Variants in DISC1 observed in about 807,000 individuals in gnomAD.
DISC1 encodes the protein DISC1 scaffold protein.
DISC1 carries 57 observed loss-of-function variants against 84.5 expected under a neutral mutation model. That is an observed-to-expected ratio of 0.67 (90% CI 0.55 to 0.84). The LOEUF is 0.84. Ranked by LOEUF, DISC1 falls within the 40% of genes least tolerant of loss-of-function variation. The pLI, the probability that DISC1 is intolerant of heterozygous loss-of-function variation, is 0.00. For missense variants in DISC1, 1,000 were observed against 1,057.8 expected (o/e 0.95, Z 0.76); for synonymous variants, 411 against 415.2 (o/e 0.99, Z 0.12).
At chr1:231,758,231 C>T (rs1437241224) in intron 4 of DISC1, among the ~76,000 whole-genome samples, 1 of 152,174 alleles carries the variant, frequency 6.6e-6, no homozygotes, top group East Asian at 1.9e-4. Context: ...TCAACCTGTA[C>T]TCAGGTCCCT....
chr1:231,902,610 A>C (rs12088800), intron 9 of DISC1, among the ~76,000 whole-genome samples: 2,919 of 152,084 alleles, frequency 0.019, 97 homozygotes, highest in African/African-American at 0.066. Flanking sequence ...CAAAAAAAAA[A>C]CAAAACTCAT....
intron 10 of DISC1, among the ~76,000 whole-genome samples, chr1:231,970,981 A>G (rs1286761661): frequency 1.3e-5 from 2 of 152,236 alleles, no homozygotes; most frequent in African/African-American, 4.8e-5. Context: ...TGTGTAGGTT[A>G]TATCCATGGT....
chr1:232,007,031 T>C (rs1558830375), intron 10 of DISC1, among the ~76,000 whole-genome samples: 1 of 152,152 alleles, frequency 6.6e-6, no homozygotes, highest in South Asian at 2.1e-4. Context: ...GTTGGACCTG[T>C]GAGTGCACAG....
rs561137704 is a variant in DISC1, at chr1:231,932,860, C to T, written c.1982-25968C>T. On this transcript the variant is annotated intron_variant, in intron 9 of 12. Transcript: ENST00000439617. Reference sequence around the variant, plus strand: ...CTAAAATTCAAAATTTTTGGTCTGGCAGCCTGTGAAAAAAATCGTATTTTG... The same window carrying T: ...CTAAAATTCAAAATTTTTGGTCTGGTAGCCTGTGAAAAAAATCGTATTTTG... Among the ~76,000 whole-genome samples, 10 of 152,268 alleles carry T rather than the reference C, an allele frequency of 6.6e-5. No individual in the cohort carries two copies. The South Asian group carries it at 2.1e-3, about 32-fold the overall frequency.
intron 9 of DISC1, among the ~76,000 whole-genome samples, chr1:231,911,465 G>A (rs566762482): frequency 4.6e-5 from 7 of 152,264 alleles, no homozygotes; most frequent in African/African-American, 9.6e-5. Flanking sequence ...GAAATTCTGG[G>A]TTGAAAATTC....
intron 1 of DISC1, among the ~76,000 whole-genome samples, chr1:231,677,663 G>C (rs1195737075): frequency 6.6e-6 from 1 of 152,228 alleles, no homozygotes; most frequent in Non-Finnish European, 1.5e-5. Flanking sequence ...GATCACCCAG[G>C]TGGGAACTGA....
chr1:231,979,817 TAC>T (rs1264785754), intron 10 of DISC1, among the ~76,000 whole-genome samples: 1 of 152,014 alleles, frequency 6.6e-6, no homozygotes, highest in African/African-American at 2.4e-5. Context: ...AAGATTTAAC[TAC>T]AGTTTCTTTT....
At chr1:231,812,605 C>T (rs2125712089) in intron 8 of DISC1, among the ~76,000 whole-genome samples, 1 of 152,192 alleles carries the variant, frequency 6.6e-6, no homozygotes, top group South Asian at 2.1e-4. Context: ...ATGAGAATAC[C>T]CAGGTTTCAT....
intron 11 of DISC1, among the ~76,000 whole-genome samples, chr1:232,025,977 C>T (rs1265756367): frequency 6.6e-6 from 1 of 152,144 alleles, no homozygotes; most frequent in African/African-American, 2.4e-5. Context: ...GGACTGTGGT[C>T]AGTGTGTAAA....
At chr1:231,713,860 G>GATAT (rs140221154) in intron 3 of DISC1, among the ~76,000 whole-genome samples, 8 of 144,984 alleles carry the variant, frequency 5.5e-5, no homozygotes, top group Non-Finnish European at 7.5e-5. Flanking sequence ...ATATATAGGA[G>GATAT]ATATATATAT....
intron 9 of DISC1, among the ~76,000 whole-genome samples, chr1:231,865,680 C>T (rs908163781): frequency 2.0e-5 from 3 of 152,160 alleles, no homozygotes; most frequent in African/African-American, 4.8e-5. Context: ...TTAGGTGCCT[C>T]ATATAAGTGG....
intron 9 of DISC1, among the ~76,000 whole-genome samples, chr1:231,833,574 G>A (rs1020229762): frequency 4.0e-5 from 6 of 151,880 alleles, no homozygotes; most frequent in African/African-American, 7.3e-5. Context: ...TGAACAGTCC[G>A]ATTTTCAGTG....
intron 8 of DISC1, among the ~76,000 whole-genome samples, chr1:231,805,092 C>T (rs1042180082): frequency 6.6e-5 from 10 of 152,192 alleles, no homozygotes; most frequent in Admixed American, 5.2e-4. Context: ...TGGTGTAATA[C>T]ACATTAAGAA....
intron 3 of DISC1, among the ~76,000 whole-genome samples, chr1:231,749,663 A>G (rs542847165): frequency 6.6e-6 from 1 of 152,326 alleles, no homozygotes; most frequent in East Asian, 1.9e-4. Flanking sequence ...TGTGAAGACC[A>G]TAATTATGAC....
At chr1:231,682,903 T>C (rs1216583860) in intron 1 of DISC1, among the ~76,000 whole-genome samples, 2 of 152,246 alleles carry the variant, frequency 1.3e-5, no homozygotes, top group Non-Finnish European at 2.9e-5. Context: ...TGCATGGTTT[T>C]TGACCCTTAA....
intron 9 of DISC1, chr1:231,855,295 T>G: frequency 1.1e-6 from 1 of 940,356 alleles, no homozygotes; most frequent in Non-Finnish European, 1.3e-6. Flanking sequence ...ATATGTATAT[T>G]TCAAAATAAC....
chr1:231,693,333 C>G (rs764250273), intron 1 of DISC1, among the ~76,000 whole-genome samples: 2 of 152,246 alleles, frequency 1.3e-5, no homozygotes, highest in Non-Finnish European at 2.9e-5. Flanking sequence ...AGCAACAGAT[C>G]AGTCTTGCAG....
intron 9 of DISC1, among the ~76,000 whole-genome samples, chr1:231,916,713 T>C (rs187695161): frequency 9.2e-5 from 14 of 152,218 alleles, no homozygotes; most frequent in Non-Finnish European, 1.8e-4. Flanking sequence ...TTTAATCCAT[T>C]GCTCTTCTTA....
At chr1:231,725,084 C>T (rs141970445) in intron 3 of DISC1, among the ~76,000 whole-genome samples, 71 of 152,166 alleles carry the variant, frequency 4.7e-4, no homozygotes, top group African/African-American at 1.6e-3. Flanking sequence ...GAGAGGGTCA[C>T]GGTGGTGTGG....
Sources: gnomAD v4.1 joint callset for allele counts (sites outside exome capture counted in the v4.1 genomes callset) on GRCh38, gnomAD v4.1.1 for gene constraint, MANE v1.5 for transcripts, NCBI Gene and HGNC (gene_info 2026-07-23, HGNC 2026-07-21) for gene names.